Variants in GRB14 observed in about 807,000 individuals in gnomAD.
GRB14 encodes growth factor receptor bound protein 14.
In GRB14, 38 loss-of-function variants were observed where a neutral mutation model predicts 69.1. The observed-to-expected ratio is 0.55, with a 90% CI of 0.42 to 0.72. The LOEUF (loss-of-function observed/expected upper bound fraction) is 0.72. Ranked by LOEUF, GRB14 falls within the 30% of genes least tolerant of loss-of-function variation. The pLI is 0.00. For missense variants in GRB14, 666 were observed against 666.1 expected (o/e 1.00, Z 0.00); for synonymous variants, 247 against 241.3 (o/e 1.02, Z -0.22).
chr2:164,617,166 C>G (rs894265014), intron 2 of GRB14, among the ~76,000 whole-genome samples: 1 of 152,112 alleles, frequency 6.6e-6, no homozygotes, highest in Non-Finnish European at 1.5e-5. Context: ...CTTTGGGGTA[C>G]CCTTGTCTTC....
At chr2:164,618,964 C>T (rs1022581456) in intron 2 of GRB14, among the ~76,000 whole-genome samples, 1 of 152,188 alleles carries the variant, frequency 6.6e-6, no homozygotes, top group African/African-American at 2.4e-5. Flanking sequence ...AAGTATATGA[C>T]AAGAGATGAA....
chr2:164,585,249 T>C (rs898620660), intron 2 of GRB14, among the ~76,000 whole-genome samples: 10 of 151,584 alleles, frequency 6.6e-5, no homozygotes, highest in Non-Finnish European at 1.5e-5. Flanking sequence ...CACCTGGCCA[T>C]GCATTTTGAA....
intron 2 of GRB14, among the ~76,000 whole-genome samples, chr2:164,559,276 A>T (rs1688760352): frequency 6.6e-6 from 1 of 151,828 alleles, no homozygotes. Flanking sequence ...CTAAATATTT[A>T]TTTATTTACT....
Position 164,522,028 on chromosome 2 carries a change from A to C in GRB14, c.768T>G (p.Phe256Leu), listed in dbSNP as rs778801803. ...QGKKSWKKIY[F>L]FLRRSGLYFS... ...AATATAAACCAGATCTTCTTAGAAAAAAGTAAATTTTTTTCCAAGACTTCT... is the reference window on the plus strand; with the variant it reads ...AATATAAACCAGATCTTCTTAGAAACAAGTAAATTTTTTTCCAAGACTTCT... The change falls in exon 6 of 14, where the codon TTT becomes TTG. Residue 256 changes from phenylalanine to leucine, a missense_variant. Physicochemically the swap from Phe to Leu is conservative, Grantham distance 22. Transcript: ENST00000263915. 6.2e-7 allele frequency: 1 copy of C among 1,605,200 alleles called. No homozygotes were observed. The highest frequency in any genetic ancestry group is 1.1e-5 in the South Asian group (1 of 90,324).
intron 6 of GRB14, among the ~76,000 whole-genome samples, chr2:164,520,349 AT>A: frequency 6.6e-6 from 1 of 152,270 alleles, no homozygotes; most frequent in Admixed American, 6.5e-5. Flanking sequence ...TTATACAAAA[AT>A]CAACTCAAGA....
At chr2:164,536,453 C>T (rs912011516) in intron 3 of GRB14, among the ~76,000 whole-genome samples, 1 of 152,054 alleles carries the variant, frequency 6.6e-6, no homozygotes, top group Non-Finnish European at 1.5e-5. Context: ...TAATACATTC[C>T]ATTAAAGGAA....
chr2:164,532,536 A>C (rs902875579), intron 3 of GRB14, among the ~76,000 whole-genome samples: 2 of 152,202 alleles, frequency 1.3e-5, no homozygotes, highest in Non-Finnish European at 2.9e-5. Flanking sequence ...GTAGGACCTA[A>C]ATCCAATCAC....
At chr2:164,583,229 A>C (rs913922888) in intron 2 of GRB14, among the ~76,000 whole-genome samples, 4 of 152,218 alleles carry the variant, frequency 2.6e-5, no homozygotes, top group African/African-American at 9.6e-5. Flanking sequence ...ATACAAAGAA[A>C]ACTGGAGATA....
At chr2:164,568,169 T>C (rs1689029996) in intron 2 of GRB14, 7 of 340,664 alleles carry the variant, frequency 2.1e-5, no homozygotes, top group South Asian at 1.4e-4. Flanking sequence ...TAATATGTCC[T>C]TTAATTTTAC....
At chr2:164,557,132 C>T (rs543874917) in intron 2 of GRB14, among the ~76,000 whole-genome samples, 1 of 152,272 alleles carries the variant, frequency 6.6e-6, no homozygotes, top group South Asian at 2.1e-4. Flanking sequence ...TAAGAAAACA[C>T]CTGTGTGGGA....
chr2:164,559,859 C>G (rs1688777070), intron 2 of GRB14, among the ~76,000 whole-genome samples: 1 of 152,122 alleles, frequency 6.6e-6, no homozygotes, highest in South Asian at 2.1e-4. Flanking sequence ...AAAGGAATCT[C>G]CATACTGTTT....
chr2:164,499,005 C>T (rs1686979906), intron 9 of GRB14, among the ~76,000 whole-genome samples: 1 of 152,146 alleles, frequency 6.6e-6, no homozygotes, highest in Non-Finnish European at 1.5e-5. Flanking sequence ...GCCCTTCTCA[C>T]CCCGTGATCT....
intron 3 of GRB14, among the ~76,000 whole-genome samples, chr2:164,532,519 G>C (rs1687968130): frequency 1.3e-5 from 2 of 152,144 alleles, no homozygotes; most frequent in South Asian, 4.1e-4. Context: ...GAATATCCTG[G>C]ATTAAGGTAG....
intron 6 of GRB14, among the ~76,000 whole-genome samples, chr2:164,511,842 G>C (rs1434766256): frequency 6.6e-6 from 1 of 152,286 alleles, no homozygotes; most frequent in Admixed American, 6.5e-5. Context: ...GGGGTCCCCA[G>C]TTCTGGGCCT....
intron 2 of GRB14, among the ~76,000 whole-genome samples, chr2:164,585,112 TTTTTTTTTTTTTTTTA>T (rs1689507582): frequency 3.4e-5 from 4 of 117,566 alleles, no homozygotes; most frequent in African/African-American, 1.6e-4. Context: ...TTTTTTTTTT[TTTTTTTTTTTTTTTTA>T]GTAGAGATGG....
In GRB14 at chr2:164,508,529, G is replaced by A. The variant is rs1004103090; in HGVS notation, c.949C>T (p.Arg317Ter). The A allele has an allele frequency of 6.8e-6, 11 of 1,613,914 alleles. No individual in the cohort carries two copies. Among genetic ancestry groups the A allele is most frequent in the African/African-American group, 1.3e-5 (1 of 75,012 alleles). Residue 317 changes from arginine (R) to a stop codon, truncating the protein, a stop_gained, in exon 8 of 14, where the codon CGA becomes TGA. Coordinates refer to ENST00000263915, the MANE Select transcript of GRB14 (RefSeq NM_004490.3). LOFTEE classifies it high-confidence loss of function. ...TCTGCACAGAGCATTTTCAGGTCTC[G>A]GGGCCCTCCCGCTTTGTTAGGCTAG... The part of the protein sequence containing the change: ...CFKPNKAGGP[R>*]DLKMLCAEEE...
intron 3 of GRB14, among the ~76,000 whole-genome samples, chr2:164,545,180 A>G (rs1251600767): frequency 6.6e-6 from 1 of 152,230 alleles, no homozygotes; most frequent in Admixed American, 6.5e-5. Context: ...TGTCACTGAT[A>G]AATTATTTAA....
rs1287801493 is a variant in GRB14, at chr2:164,619,698, T to G, written c.313A>C (p.Arg105=). 7.0e-6 allele frequency: 11 copies of G among 1,577,272 alleles called. No individual in the cohort carries two copies. Among genetic ancestry groups the G allele is most frequent in the Non-Finnish European group, 9.4e-6 (11 of 1,169,416 alleles). Residue 105 remains arginine, a synonymous_variant, in exon 2 of 14, where the codon AGG becomes CGG. Coordinates refer to ENST00000263915, the MANE Select transcript of GRB14 (RefSeq NM_004490.3). ...TTAAAAATGCATACCTGTTTTTTCC[T>G]TGAATTTGCTTTGGGAAATAGGTCT... ...SADLFPKANS[R]KKQVIKVYSE...
intron 3 of GRB14, among the ~76,000 whole-genome samples, chr2:164,540,235 T>C (rs1388518355): frequency 6.6e-6 from 1 of 152,200 alleles, no homozygotes; most frequent in East Asian, 1.9e-4. Flanking sequence ...TTCCACTTAA[T>C]TGCACAGCCT....
Sources: allele counts gnomAD v4.1 joint callset (sites outside exome capture counted in the v4.1 genomes callset), GRCh38; gene constraint gnomAD v4.1.1; transcripts MANE v1.5; gene names NCBI Gene and HGNC (gene_info 2026-07-23, HGNC 2026-07-21).